Variants in DENND1B observed in about 807,000 individuals in gnomAD.
DENND1B encodes DENN domain containing 1B.
DENND1B carries 59 observed loss-of-function variants against 90.1 expected under a neutral mutation model. The observed-to-expected ratio is 0.65, with a 90% CI of 0.53 to 0.81. DENND1B has a LOEUF of 0.81. Among genes scored for constraint, DENND1B ranks in the 40% least tolerant of loss-of-function variants. DENND1B has a pLI of 0.00. For synonymous variants in DENND1B, 337 were observed against 324.6 expected (o/e 1.04, Z -0.41); for missense variants, 862 against 912.6 (o/e 0.94, Z 0.71).
intron 15 of DENND1B, among the ~76,000 whole-genome samples, chr1:197,574,921 C>T (rs942399255): frequency 6.6e-6 from 1 of 152,186 alleles, no homozygotes; most frequent in African/African-American, 2.4e-5. Flanking sequence ...CCCTTCCTTA[C>T]ACCTTGTACA....
intron 2 of DENND1B, chr1:197,734,107 A>G: frequency 1.0e-6 from 1 of 963,752 alleles, no homozygotes; most frequent in Non-Finnish European, 1.2e-6. Flanking sequence ...ATCAAAATGC[A>G]GAAGTCAAAA....
chr1:197,575,253 A>C (rs1000079573), intron 15 of DENND1B, among the ~76,000 whole-genome samples: 4 of 151,910 alleles, frequency 2.6e-5, no homozygotes, highest in Admixed American at 1.3e-4. Context: ...GAAAAAAAAA[A>C]ACCATTAAAA....
At chr1:197,728,684 C>T (rs529841736) in intron 2 of DENND1B, among the ~76,000 whole-genome samples, 4 of 152,148 alleles carry the variant, frequency 2.6e-5, no homozygotes, top group African/African-American at 4.8e-5. Flanking sequence ...AATTAGTCTT[C>T]TTGCCACTCA....
intron 16 of DENND1B, 64 bp from the exon 17 acceptor site, chr1:197,546,837 T>G: frequency 6.9e-7 from 1 of 1,455,532 alleles, no homozygotes; most frequent in Non-Finnish European, 9.2e-7. Context: ...AAACCAAAAT[T>G]TATCAAGAAC....
At chr1:197,617,781 C>T in intron 10 of DENND1B, 22 bp from the exon 11 acceptor site, 2 of 1,558,218 alleles carry the variant, frequency 1.3e-6, no homozygotes, top group Middle Eastern at 1.7e-4. Flanking sequence ...AAAAGGATAA[C>T]AAAAATAAGT....
chr1:197,682,533 A>C (rs1656799592), intron 3 of DENND1B, among the ~76,000 whole-genome samples: 1 of 152,204 alleles, frequency 6.6e-6, no homozygotes, highest in Admixed American at 6.6e-5. Flanking sequence ...AATCGCGGCT[A>C]ATAACAACAT....
intron 16 of DENND1B, among the ~76,000 whole-genome samples, chr1:197,549,803 T>C (rs1671081615): frequency 6.6e-6 from 1 of 152,122 alleles, no homozygotes; most frequent in Admixed American, 6.6e-5. Context: ...AGGTATGACG[T>C]GGATTTCCTT....
At chr1:197,572,626 T>A (rs1673274827) in intron 15 of DENND1B, among the ~76,000 whole-genome samples, 1 of 152,120 alleles carries the variant, frequency 6.6e-6, no homozygotes, top group South Asian at 2.1e-4. Context: ...GGTGCCTGAC[T>A]CCCTGTAGCC....
chr1:197,660,086 A>G (rs1313880254), intron 5 of DENND1B, among the ~76,000 whole-genome samples: 1 of 151,994 alleles, frequency 6.6e-6, no homozygotes, highest in Admixed American at 6.6e-5. Context: ...AAGTAAAGAT[A>G]GAAAGTTTTA....
chr1:197,701,504 C>T lies in DENND1B; in HGVS notation c.126+13527G>A, dbSNP rs375273664. On this transcript the variant is annotated intron_variant, in intron 3 of 22. Transcript: ENST00000620048. The stretch of plus-strand genomic sequence containing the variant: ...GCAAACCACCCTGGCACATGTATGC[C>T]TATGTAACAAACCTGCAGGTTCTGT... Among the ~76,000 whole-genome samples the T allele has an allele frequency of 5.9e-5, 9 of 151,708 alleles. No individual in the cohort carries two copies. The South Asian group carries it at 1.0e-3, about 18-fold the overall frequency.
chr1:197,561,378 T>C (rs901097221), intron 15 of DENND1B, among the ~76,000 whole-genome samples: 10 of 151,820 alleles, frequency 6.6e-5, no homozygotes, highest in African/African-American at 1.9e-4. Context: ...GGTATTCTTG[T>C]TGGCTGCTAA....
rs138139598 is a variant in DENND1B, at chr1:197,573,389, C to T, written c.1149+9763G>A. Among the ~76,000 whole-genome samples the T allele has an allele frequency of 3.6e-3, 553 of 152,142 alleles. 1 individual carries two copies. The highest frequency in any genetic ancestry group is 0.013 in the African/African-American group (532 of 41,508). The stretch of plus-strand genomic sequence containing the variant: ...AACATCTTTATTTCTGCCTTCATTT[C>T]GTTATGTACCAGGAAGAAGTTGAAT... On this transcript the variant is annotated intron_variant, in intron 15 of 22. Coordinates refer to ENST00000620048, the MANE Select transcript of DENND1B (RefSeq NM_001195215.2).
intron 20 of DENND1B, among the ~76,000 whole-genome samples, chr1:197,525,942 T>C (rs1044727444): frequency 2.6e-5 from 4 of 152,226 alleles, no homozygotes; most frequent in African/African-American, 7.2e-5. Context: ...TGATATTATA[T>C]TCATATGTTA....
chr1:197,585,853 GAT>G (rs1354703616), intron 14 of DENND1B, among the ~76,000 whole-genome samples: 2 of 152,182 alleles, frequency 1.3e-5, no homozygotes, highest in Admixed American at 6.5e-5. Context: ...TTATGAAAGA[GAT>G]ATTAATAAAT....
chr1:197,544,705 TGAAGAGGAAGAGGAA>T (rs1310431574), intron 18 of DENND1B, among the ~76,000 whole-genome samples: 10 of 127,144 alleles, frequency 7.9e-5, no homozygotes, highest in African/African-American at 2.2e-4. Context: ...AAGATGAAGA[TGAAGAGGAAGAGGAA>T]GAAGAGGAAG....
chr1:197,586,571 A>G (rs1456280667), intron 14 of DENND1B, among the ~76,000 whole-genome samples: 1 of 152,216 alleles, frequency 6.6e-6, no homozygotes, highest in Non-Finnish European at 1.5e-5. Context: ...TAAGGGTCAT[A>G]AAATGACATT....
chr1:197,610,463 A>T (rs1677081669), intron 12 of DENND1B, among the ~76,000 whole-genome samples: 1 of 150,466 alleles, frequency 6.6e-6, no homozygotes, highest in East Asian at 1.9e-4. Context: ...TGCAAAAAAA[A>T]AATTAACATC....
At chr1:197,687,663 T>C (rs997112799) in intron 3 of DENND1B, among the ~76,000 whole-genome samples, 5 of 152,070 alleles carry the variant, frequency 3.3e-5, no homozygotes, top group African/African-American at 1.2e-4. Flanking sequence ...GGTGAGACTA[T>C]CTCAAAATAA....
At chr1:197,717,859 A>G (rs1404424416) in intron 2 of DENND1B, among the ~76,000 whole-genome samples, 1 of 152,056 alleles carries the variant, frequency 6.6e-6, no homozygotes, top group Non-Finnish European at 1.5e-5. Context: ...TTTGCACAAA[A>G]GGATAATATT....
Sources: allele counts gnomAD v4.1 joint callset (sites outside exome capture counted in the v4.1 genomes callset), GRCh38; gene constraint gnomAD v4.1.1; transcripts MANE v1.5; gene names NCBI Gene and HGNC (gene_info 2026-07-23, HGNC 2026-07-21).